The following LINGO2 variants were observed in gnomAD, a reference collection of about 807,000 sequenced individuals.
LINGO2 encodes leucine rich repeat and Ig domain containing 2, also known as leucine-rich repeat and immunoglobulin-like domain-containing nogo receptor-interacting protein 2.
A neutral mutation model predicts 30.6 loss-of-function variants in LINGO2; 14 were observed. The observed-to-expected ratio is 0.46, with a 90% CI of 0.30 to 0.72. The LOEUF is 0.72. LINGO2 is among the 30% of genes least tolerant of loss of function. LINGO2 has a pLI of 0.07. For missense variants in LINGO2, 729 were observed against 751.7 expected (o/e 0.97, Z 0.35); for synonymous variants, 317 against 288.5 (o/e 1.10, Z -1.00).
At chr9:27,958,032 T>G (rs931182784) in intron 5 of LINGO2, among the ~76,000 whole-genome samples, 13 of 152,202 alleles carry the variant, frequency 8.5e-5, no homozygotes, top group African/African-American at 3.1e-4. Flanking sequence ...CCTTTCCTAA[T>G]CTTAGAGGAC....
At chr9:28,566,768 A>C (rs1380651109) in intron 1 of LINGO2, among the ~76,000 whole-genome samples, 2 of 152,186 alleles carry the variant, frequency 1.3e-5, no homozygotes, top group East Asian at 3.9e-4. Flanking sequence ...TAAATGAGTA[A>C]AATCACATCA....
chr9:28,848,393 G>GTA, the LINGO2 span, among the ~76,000 whole-genome samples: 31 of 67,202 alleles, frequency 4.6e-4, no homozygotes, highest in South Asian at 1.8e-3. Context: ...GTGTGTGTGT[G>GTA]TGTGTATATA....
chr9:28,382,289 A>G (rs1384132917), intron 2 of LINGO2, among the ~76,000 whole-genome samples: 2 of 152,172 alleles, frequency 1.3e-5, no homozygotes, highest in East Asian at 3.8e-4. Context: ...AAGCATTGTT[A>G]CAAAATCCCA....
the LINGO2 span, among the ~76,000 whole-genome samples, chr9:29,073,429 C>A: frequency 6.6e-6 from 1 of 152,118 alleles, no homozygotes; most frequent in East Asian, 1.9e-4. Flanking sequence ...ACTAAAGTCA[C>A]GGGACAAATT....
intron 3 of LINGO2, among the ~76,000 whole-genome samples, chr9:28,318,201 G>T (rs918514779): frequency 3.9e-5 from 6 of 152,092 alleles, no homozygotes; most frequent in African/African-American, 1.4e-4. Flanking sequence ...CCTAAGAAAT[G>T]CAAAGGAAAG....
intron 4 of LINGO2, among the ~76,000 whole-genome samples, chr9:28,133,752 T>G (rs1427865853): frequency 6.6e-6 from 1 of 152,150 alleles, no homozygotes; most frequent in Non-Finnish European, 1.5e-5. Context: ...GCTCCTTAAT[T>G]TCTCTTATTG....
chr9:28,722,837 C>T, the LINGO2 span, among the ~76,000 whole-genome samples: 1 of 152,104 alleles, frequency 6.6e-6, no homozygotes, highest in South Asian at 2.1e-4. Flanking sequence ...ATAAGTCGTT[C>T]AACCTATTCT....
chr9:28,169,573 C>T (rs1278515734), intron 4 of LINGO2, among the ~76,000 whole-genome samples: 1 of 152,178 alleles, frequency 6.6e-6, no homozygotes, highest in Non-Finnish European at 1.5e-5. Flanking sequence ...TGTGCCCAGA[C>T]ACTGTTCTGG....
chr9:28,769,176 A>G, the LINGO2 span, among the ~76,000 whole-genome samples: 13 of 151,684 alleles, frequency 8.6e-5, no homozygotes, highest in Admixed American at 8.5e-4. Flanking sequence ...ATAAGTATAT[A>G]TTCACTCCCT....
chr9:28,037,269 C>CT (rs1241874219), intron 4 of LINGO2, among the ~76,000 whole-genome samples: 13 of 152,328 alleles, frequency 8.5e-5, no homozygotes, highest in African/African-American at 3.1e-4. Context: ...TGACTTGGAT[C>CT]TATCATCTTA....
chr9:28,635,456 T>A (rs1021687253), intron 1 of LINGO2, among the ~76,000 whole-genome samples: 2 of 151,968 alleles, frequency 1.3e-5, no homozygotes, highest in Non-Finnish European at 2.9e-5. Context: ...GAAAATGGCA[T>A]GGAAAAGTGT....
At chr9:29,130,648 T>C in the LINGO2 span, among the ~76,000 whole-genome samples, 1 of 152,066 alleles carries the variant, frequency 6.6e-6, no homozygotes, top group Non-Finnish European at 1.5e-5. Flanking sequence ...TAATAAAATA[T>C]CTAGCTAACC....
intron 4 of LINGO2, among the ~76,000 whole-genome samples, chr9:28,201,755 CT>C (rs1820243731): frequency 6.6e-6 from 1 of 151,994 alleles, no homozygotes; most frequent in Admixed American, 6.6e-5. Context: ...TTAGTTCTTC[CT>C]TTCCCCCCAC....
chr9:29,201,042 C>G, the LINGO2 span, among the ~76,000 whole-genome samples: 1 of 151,958 alleles, frequency 6.6e-6, no homozygotes, highest in East Asian at 1.9e-4. Context: ...TGACCTTGGT[C>G]ACTTGGTTGA....
intron 4 of LINGO2, among the ~76,000 whole-genome samples, chr9:28,224,870 C>T (rs932188468): frequency 3.9e-5 from 6 of 152,016 alleles, no homozygotes; most frequent in Non-Finnish European, 8.8e-5. Context: ...CTACCGGAAT[C>T]GAAATATACT....
intron 4 of LINGO2, among the ~76,000 whole-genome samples, chr9:28,179,732 AT>A (rs1828861498): frequency 6.8e-6 from 1 of 146,586 alleles, no homozygotes; most frequent in Non-Finnish European, 1.5e-5. Flanking sequence ...TATATATAGT[AT>A]TTTCCCTTAA....
At chr9:28,871,469 T>C in the LINGO2 span, among the ~76,000 whole-genome samples, 2 of 151,738 alleles carry the variant, frequency 1.3e-5, no homozygotes, top group African/African-American at 4.8e-5. Context: ...TTTCAACATT[T>C]TACTTCATAT....
the LINGO2 span, among the ~76,000 whole-genome samples, chr9:29,202,576 C>T: frequency 6.6e-6 from 1 of 151,910 alleles, no homozygotes; most frequent in Non-Finnish European, 1.5e-5. Flanking sequence ...ATTATCCTCC[C>T]CAACATGCAA....
chr9:28,605,986 T>A (rs756097522), intron 1 of LINGO2, among the ~76,000 whole-genome samples: 1 of 147,222 alleles, frequency 6.8e-6, no homozygotes, highest in Non-Finnish European at 1.5e-5. Context: ...GCGCCTTCCA[T>A]CTCAAGTATC....
Sources: allele counts gnomAD v4.1 joint callset (sites outside exome capture counted in the v4.1 genomes callset), GRCh38; gene constraint gnomAD v4.1.1; transcripts MANE v1.5; gene names NCBI Gene and HGNC (gene_info 2026-07-23, HGNC 2026-07-21).